Variants in SUGCT observed in about 807,000 individuals in gnomAD.
SUGCT encodes succinyl-CoA:glutarate-CoA transferase, also known as succinyl-CoA:glutarate CoA-transferase.
In SUGCT, 41 loss-of-function variants were observed where a neutral mutation model predicts 55.0. The ratio of observed to expected loss-of-function variants is 0.74; its 90% CI spans 0.58 to 0.97. The LOEUF is 0.97. Ranked by LOEUF, SUGCT falls within the 50% of genes least tolerant of loss-of-function variation. The pLI is 0.00. For missense variants in SUGCT, 568 were observed against 547.8 expected, an observed-to-expected ratio of 1.04 and a Z score of -0.37; for synonymous variants, 187 against 200.4, an observed-to-expected ratio of 0.93 and a Z score of 0.56.
Position 40,779,210 on chromosome 7 carries a change from G to A in SUGCT, c.1153+29713G>A, listed in dbSNP as rs201038648. Among the ~76,000 whole-genome samples, 3 of 152,078 alleles carry A rather than the reference G, an allele frequency of 2.0e-5. No individual in the cohort carries two copies. In the East Asian group the frequency reaches 5.8e-4, roughly 29 times the overall value. On this transcript the variant is annotated intron_variant, in intron 13 of 13. Transcript: ENST00000335693. Reference sequence around the variant, plus strand: ...TCAATGACCTCTAAGGACCATTAAGGAGCTGCTTATTAATGATGCTAAGAA... The same window carrying A: ...TCAATGACCTCTAAGGACCATTAAGAAGCTGCTTATTAATGATGCTAAGAA...
chr7:40,242,923 A>G (rs1476431250), intron 7 of SUGCT, among the ~76,000 whole-genome samples: 1 of 25,294 alleles, frequency 4.0e-5, no homozygotes, highest in African/African-American at 1.4e-4. Flanking sequence ...ATATATATAT[A>G]TATATATATA....
At chr7:40,628,733 G>C (rs935366404) in intron 12 of SUGCT, among the ~76,000 whole-genome samples, 25 of 149,932 alleles carry the variant, frequency 1.7e-4, no homozygotes, top group African/African-American at 6.3e-4. Context: ...TGTTCTGTGT[G>C]TGTGTGTGTG....
chr7:40,488,625 G>A (rs1322477505), intron 11 of SUGCT, among the ~76,000 whole-genome samples: 2 of 152,100 alleles, frequency 1.3e-5, no homozygotes, highest in Admixed American at 6.5e-5. Flanking sequence ...CTTTCAGCTT[G>A]AAGAACGATC....
At chr7:40,949,142 C>A in the SUGCT span, among the ~76,000 whole-genome samples, 7 of 152,258 alleles carry the variant, frequency 4.6e-5, no homozygotes, top group Admixed American at 4.6e-4. Flanking sequence ...TTAGTGATCG[C>A]CATTCTAACT....
At chr7:40,820,079 T>A (rs1791899927) in intron 13 of SUGCT, among the ~76,000 whole-genome samples, 1 of 152,248 alleles carries the variant, frequency 6.6e-6, no homozygotes, top group African/African-American at 2.4e-5. Flanking sequence ...AGATGTGTGG[T>A]ATTATTTCTG....
intron 9 of SUGCT, among the ~76,000 whole-genome samples, chr7:40,366,402 A>C (rs941755479): frequency 6.6e-6 from 1 of 152,158 alleles, no homozygotes; most frequent in Non-Finnish European, 1.5e-5. Context: ...ACAAAAGCCA[A>C]AATTGACAAA....
In SUGCT at chr7:40,847,509, C is replaced by T. The variant is rs575918639; in HGVS notation, c.1154-12807C>T. ...TCAGCTCACTGCAACCTCCACCTTCCGGGTTCAAGCGATTCTCCTGCTTTA... is the reference window on the plus strand; with the variant it reads ...TCAGCTCACTGCAACCTCCACCTTCTGGGTTCAAGCGATTCTCCTGCTTTA... On this transcript the variant is annotated intron_variant, in intron 13 of 13. Transcript: ENST00000335693. Among the ~76,000 whole-genome samples the T allele has an allele frequency of 2.6e-4, 39 of 149,098 alleles. 1 individual carries two copies. In the South Asian group the frequency reaches 3.6e-3, roughly 14 times the overall value.
chr7:40,432,059 A>G (rs867606638), intron 9 of SUGCT, among the ~76,000 whole-genome samples: 22 of 152,168 alleles, frequency 1.4e-4, no homozygotes, highest in African/African-American at 2.2e-4. Context: ...TTTCAGTACT[A>G]TGTTGAATAG....
intron 13 of SUGCT, 132 bp downstream of exon 13, chr7:40,749,629 AG>A (rs1787906228): frequency 1.4e-6 from 1 of 719,490 alleles, no homozygotes; most frequent in Non-Finnish European, 2.4e-6. Flanking sequence ...ATTGGGTAAA[AG>A]GGGAATCCTA....
At chr7:41,028,623 C>T in the SUGCT span, among the ~76,000 whole-genome samples, 9 of 152,308 alleles carry the variant, frequency 5.9e-5, no homozygotes, top group African/African-American at 1.9e-4. Flanking sequence ...GCAATTGTTA[C>T]ATAATGATAA....
intron 11 of SUGCT, among the ~76,000 whole-genome samples, chr7:40,464,508 A>G (rs1477912019): frequency 1.3e-5 from 2 of 152,308 alleles, no homozygotes; most frequent in East Asian, 3.9e-4. Flanking sequence ...ATTGATGTGA[A>G]TGTACTTTTG....
At chr7:40,999,418 A>C in the SUGCT span, among the ~76,000 whole-genome samples, 1 of 152,170 alleles carries the variant, frequency 6.6e-6, no homozygotes, top group Non-Finnish European at 1.5e-5. Context: ...TGATCCTTAA[A>C]TAACATCCAC....
chr7:40,530,932 A>G (rs1360319062), intron 12 of SUGCT, among the ~76,000 whole-genome samples: 1 of 152,214 alleles, frequency 6.6e-6, no homozygotes, highest in Non-Finnish European at 1.5e-5. Flanking sequence ...GGTCTCAAAG[A>G]ACACACAGCA....
At chr7:40,451,510 C>T (rs939004261) in intron 10 of SUGCT, among the ~76,000 whole-genome samples, 1 of 152,202 alleles carries the variant, frequency 6.6e-6, no homozygotes, top group East Asian at 1.9e-4. Flanking sequence ...ATCAGAGGGC[C>T]TTAGGAATGG....
intron 1 of SUGCT, among the ~76,000 whole-genome samples, chr7:40,168,557 A>G (rs1321952206): frequency 1.3e-5 from 2 of 152,128 alleles, no homozygotes; most frequent in African/African-American, 2.4e-5. Flanking sequence ...AGTGCAGGGG[A>G]TTATTTCTTC....
At chr7:40,309,059 G>T (rs991590508) in intron 8 of SUGCT, among the ~76,000 whole-genome samples, 1 of 152,300 alleles carries the variant, frequency 6.6e-6, no homozygotes, top group Admixed American at 6.5e-5. Context: ...CAGGTCTTAA[G>T]TTAAATATAA....
intron 9 of SUGCT, among the ~76,000 whole-genome samples, chr7:40,374,870 A>C (rs535078954): frequency 6.6e-6 from 1 of 152,126 alleles, no homozygotes; most frequent in South Asian, 2.1e-4. Context: ...CTAGGTTTTC[A>C]TGAAGGGGAC....
chr7:40,262,368 C>T (rs998657777), intron 7 of SUGCT, among the ~76,000 whole-genome samples: 4 of 151,848 alleles, frequency 2.6e-5, no homozygotes, highest in Middle Eastern at 3.4e-3. Flanking sequence ...CAAGCCATAC[C>T]GGCTGGGCGC....
the SUGCT span, among the ~76,000 whole-genome samples, chr7:40,994,459 C>T: frequency 6.6e-6 from 1 of 152,206 alleles, no homozygotes; most frequent in South Asian, 2.1e-4. Flanking sequence ...ACTCCTTGAC[C>T]TGAATAAAAA....
Sources: allele counts gnomAD v4.1 joint callset (sites outside exome capture counted in the v4.1 genomes callset), GRCh38; gene constraint gnomAD v4.1.1; transcripts MANE v1.5; gene names NCBI Gene and HGNC (gene_info 2026-07-23, HGNC 2026-07-21).